Variants in CSMD1 observed in about 807,000 individuals in gnomAD.
CSMD1 encodes CUB and sushi domain-containing protein 1.
A neutral mutation model predicts 417.5 loss-of-function variants in CSMD1; 213 were observed. That is an observed-to-expected ratio of 0.51 (90% confidence interval 0.46 to 0.57). CSMD1 has a LOEUF of 0.57. Among genes scored for constraint, CSMD1 ranks in the 20% least tolerant of loss-of-function variants. The pLI, the probability that CSMD1 is intolerant of heterozygous loss-of-function variation, is 0.00. For synonymous variants in CSMD1, 2,862 were observed against 1,736.8 expected, an observed-to-expected ratio of 1.65 and a Z score of -16.11; for missense variants, 6,923 against 4,529.7, an observed-to-expected ratio of 1.53 and a Z score of -15.17.
At chr8:3,612,284 A>G (rs1266083216) in intron 8 of CSMD1, among the ~76,000 whole-genome samples, 2 of 152,160 alleles carry the variant, frequency 1.3e-5, no homozygotes, top group African/African-American at 4.8e-5. Context: ...GTACCTAATT[A>G]CAGAGCTTCA....
At chr8:4,197,398 G>A (rs1191895748) in intron 3 of CSMD1, among the ~76,000 whole-genome samples, 1 of 152,158 alleles carries the variant, frequency 6.6e-6, no homozygotes, top group Non-Finnish European at 1.5e-5. Context: ...TACATAAGAT[G>A]AACATTTCAT....
intron 23 of CSMD1, among the ~76,000 whole-genome samples, chr8:3,325,928 T>C (rs1263010588): frequency 6.6e-6 from 1 of 152,258 alleles, no homozygotes; most frequent in Non-Finnish European, 1.5e-5. Flanking sequence ...TAATTCATTA[T>C]GCAAATAAGA....
intron 1 of CSMD1, among the ~76,000 whole-genome samples, chr8:4,796,195 C>G (rs1797971265): frequency 6.6e-6 from 1 of 151,882 alleles, no homozygotes. Flanking sequence ...TGCAGGAAGA[C>G]CAGCTCCCCC....
At chr8:3,990,212 G>C (rs972491628) in intron 5 of CSMD1, among the ~76,000 whole-genome samples, 2 of 152,072 alleles carry the variant, frequency 1.3e-5, no homozygotes, top group Admixed American at 6.5e-5. Flanking sequence ...CAAACAACAG[G>C]TATTTCATAG....
chr8:4,524,642 A>T (rs1261556620), intron 2 of CSMD1, among the ~76,000 whole-genome samples: 1 of 142,106 alleles, frequency 7.0e-6, no homozygotes, highest in Non-Finnish European at 1.5e-5. Context: ...ACATATAGTG[A>T]GTCATGTTGA....
chr8:3,911,745 T>C (rs1157863906), intron 5 of CSMD1, among the ~76,000 whole-genome samples: 2 of 152,104 alleles, frequency 1.3e-5, no homozygotes, highest in Non-Finnish European at 2.9e-5. Flanking sequence ...TCTAAGACTT[T>C]TCCATCAGAA....
At chr8:3,874,149 A>T (rs922912451) in intron 5 of CSMD1, among the ~76,000 whole-genome samples, 2 of 152,176 alleles carry the variant, frequency 1.3e-5, no homozygotes, top group Admixed American at 1.3e-4. Context: ...CTGGGGATGC[A>T]ATCTGCTATG....
At chr8:4,623,021 G>A (rs1239730422) in intron 2 of CSMD1, among the ~76,000 whole-genome samples, 1 of 152,030 alleles carries the variant, frequency 6.6e-6, no homozygotes, top group African/African-American at 2.4e-5. Context: ...ACTTTTTTAA[G>A]ACTAAAAAAT....
At chr8:3,894,514 A>T (rs1029757355) in intron 5 of CSMD1, among the ~76,000 whole-genome samples, 1 of 151,618 alleles carries the variant, frequency 6.6e-6, no homozygotes, top group Non-Finnish European at 1.5e-5. Flanking sequence ...TTGCCAAATT[A>T]AAAAAAAATA....
intron 3 of CSMD1, among the ~76,000 whole-genome samples, chr8:4,387,070 C>T (rs6985778): frequency 6.6e-6 from 1 of 151,904 alleles, no homozygotes; most frequent in African/African-American, 2.4e-5. Flanking sequence ...AAAACGGATG[C>T]ACAGAATTTC....
intron 3 of CSMD1, among the ~76,000 whole-genome samples, chr8:4,096,279 G>A (rs939240232): frequency 6.6e-6 from 1 of 151,986 alleles, no homozygotes; most frequent in Non-Finnish European, 1.5e-5. Flanking sequence ...GCAGGCCCTT[G>A]GGATGCCATT....
intron 5 of CSMD1, among the ~76,000 whole-genome samples, chr8:3,967,874 T>G (rs958264767): frequency 6.6e-6 from 1 of 152,022 alleles, no homozygotes; most frequent in East Asian, 1.9e-4. Flanking sequence ...CGCTTAAGAA[T>G]GTGCCACAAT....
chr8:3,152,921 G>A (rs999823335), intron 39 of CSMD1, among the ~76,000 whole-genome samples: 1 of 152,168 alleles, frequency 6.6e-6, no homozygotes, highest in Non-Finnish European at 1.5e-5. Context: ...CGTGGGACCT[G>A]CAGTGACAGT....
intron 7 of CSMD1, among the ~76,000 whole-genome samples, chr8:3,654,918 A>G (rs1798028607): frequency 6.6e-6 from 1 of 152,206 alleles, no homozygotes; most frequent in Non-Finnish European, 1.5e-5. Flanking sequence ...CAGTTGAGCC[A>G]GGGAGCATCT....
chr8:4,006,723 G>T (rs1440790476), intron 4 of CSMD1, among the ~76,000 whole-genome samples: 15 of 151,772 alleles, frequency 9.9e-5, no homozygotes, highest in Admixed American at 9.8e-4. Flanking sequence ...TCTATAAAAT[G>T]AAGTCCAGAC....
At chr8:4,275,395 G>A (rs539223696) in intron 3 of CSMD1, among the ~76,000 whole-genome samples, 1 of 152,070 alleles carries the variant, frequency 6.6e-6, no homozygotes, top group Non-Finnish European at 1.5e-5. Context: ...TGTTTTAAAG[G>A]AAAGGACAAA....
intron 3 of CSMD1, among the ~76,000 whole-genome samples, chr8:4,172,531 C>G (rs1797823646): frequency 6.6e-6 from 1 of 152,010 alleles, no homozygotes. Flanking sequence ...CTAACTATTT[C>G]TGCTTTGCTT....
intron 3 of CSMD1, among the ~76,000 whole-genome samples, chr8:4,230,752 A>G (rs1188649689): frequency 6.6e-6 from 1 of 152,112 alleles, no homozygotes; most frequent in Non-Finnish European, 1.5e-5. Context: ...CTATTGAAAT[A>G]AATTCTATCA....
At chr8:3,512,600 CTT>C (rs760320227) in intron 10 of CSMD1, among the ~76,000 whole-genome samples, 155 of 127,662 alleles carry the variant, frequency 1.2e-3, no homozygotes, top group Middle Eastern at 4.0e-3. Context: ...TAATTTTTTT[CTT>C]TTTTTTTTTT....
Sources: allele counts gnomAD v4.1 joint callset (sites outside exome capture counted in the v4.1 genomes callset), GRCh38; gene constraint gnomAD v4.1.1; transcripts MANE v1.5; gene names NCBI Gene and HGNC (gene_info 2026-07-23, HGNC 2026-07-21).